Variants in ZNF831 observed in about 807,000 individuals in gnomAD.
ZNF831 encodes chromosome 20 open reading frame 174.
A neutral mutation model predicts 95.8 loss-of-function variants in ZNF831; 59 were observed. That is an observed-to-expected ratio of 0.62 (90% CI 0.50 to 0.77). The LOEUF (loss-of-function observed/expected upper bound fraction) is 0.77. ZNF831 is among the 30% of genes least tolerant of loss of function. The pLI, the probability that ZNF831 is intolerant of heterozygous loss-of-function variation, is 0.00. For synonymous variants in ZNF831, 961 were observed against 925.5 expected, an observed-to-expected ratio of 1.04 and a Z score of -0.70; for missense variants, 2,205 against 2,164.0, an observed-to-expected ratio of 1.02 and a Z score of -0.38.
At chr20:59,199,327 T>C (rs1486825550) in intron 3 of ZNF831, among the ~76,000 whole-genome samples, 6 of 152,080 alleles carry the variant, frequency 3.9e-5, no homozygotes, top group African/African-American at 1.4e-4. Flanking sequence ...TATATAACAA[T>C]ATATAGAAAA....
intron 2 of ZNF831, among the ~76,000 whole-genome samples, chr20:59,158,243 A>C (rs1422540106): frequency 6.6e-6 from 1 of 152,170 alleles, no homozygotes; most frequent in Non-Finnish European, 1.5e-5. Context: ...TTGGGCACTG[A>C]GAGGTTGTGT....
At chr20:59,165,614 G>A (rs181015272) in intron 1 of ZNF831, among the ~76,000 whole-genome samples, 197 of 152,304 alleles carry the variant, frequency 1.3e-3, no homozygotes, top group Admixed American at 2.6e-3. Flanking sequence ...GCTGAGTTAT[G>A]CTGGAAGGTC....
At chr20:59,189,194 A>G (rs1427591978) in intron 1 of ZNF831, among the ~76,000 whole-genome samples, 1 of 152,114 alleles carries the variant, frequency 6.6e-6, no homozygotes, top group Non-Finnish European at 1.5e-5. Flanking sequence ...AAAAAAATAA[A>G]AAAATAAAAA....
At chr20:59,225,312 C>T (rs1191983359) in intron 4 of ZNF831, among the ~76,000 whole-genome samples, 1 of 151,958 alleles carries the variant, frequency 6.6e-6, no homozygotes, top group Non-Finnish European at 1.5e-5. Flanking sequence ...TTGGATTTTC[C>T]ACGGCTGGTT....
intron 1 of ZNF831, among the ~76,000 whole-genome samples, chr20:59,124,179 G>A (rs1173089708): frequency 1.3e-5 from 2 of 152,034 alleles, no homozygotes; most frequent in Non-Finnish European, 2.9e-5. Context: ...CTTTTCCCTC[G>A]GTTCTGAACG....
chr20:59,164,171 A>G lies in ZNF831; in HGVS notation c.-73A>G, dbSNP rs1981069224. Among the ~76,000 whole-genome samples the G allele has an allele frequency of 6.6e-6, 1 of 152,124 alleles. No homozygotes were observed. Among genetic ancestry groups the G allele is most frequent in the Non-Finnish European group, 1.5e-5 (1 of 68,032 alleles). ...AACCAGATCATTGTGTTTGAATCAGAGCATCATTGGCTGAAAACACTCCAC... is the reference window on the plus strand; with the variant it reads ...AACCAGATCATTGTGTTTGAATCAGGGCATCATTGGCTGAAAACACTCCAC... On this transcript the variant is annotated 5_prime_UTR_variant, in exon 1 of 6. Coordinates refer to ENST00000371030, the MANE Select transcript of ZNF831 (RefSeq NM_178457.3).
At chr20:59,186,630 C>A (rs1454042803) in intron 1 of ZNF831, among the ~76,000 whole-genome samples, 1 of 152,144 alleles carries the variant, frequency 6.6e-6, no homozygotes, top group African/African-American at 2.4e-5. Flanking sequence ...GGGGAGGTTC[C>A]TGAAATTCTC....
In ZNF831 at chr20:59,252,998, C is replaced by A. The variant is rs1395734760; in HGVS notation, c.4048C>A (p.Pro1350Thr). 1.2e-6 allele frequency: 2 copies of A among 1,613,874 alleles called. No homozygotes were observed. The highest frequency in any genetic ancestry group is 2.2e-5 in the South Asian group (2 of 91,040). The change falls in exon 5 of 6, where the codon CCA becomes ACA. Residue 1350 changes from proline to threonine, a missense_variant. Pro to Thr is a conservative substitution (Grantham distance 38). Coordinates refer to ENST00000371030, the MANE Select transcript of ZNF831 (RefSeq NM_178457.3). ...EIAGLNLQEE[P>T]SCATSESPPC... is the part of the protein sequence containing the mutation. ...TGCAGGTCTGAATCTGCAAGAGGAGCCATCTTGTGCCACCTCAGAATCACC... is the reference window on the plus strand; with the variant it reads ...TGCAGGTCTGAATCTGCAAGAGGAGACATCTTGTGCCACCTCAGAATCACC...
chr20:59,243,572 C>A (rs981946082), intron 4 of ZNF831, among the ~76,000 whole-genome samples: 1 of 152,160 alleles, frequency 6.6e-6, no homozygotes, highest in Admixed American at 6.5e-5. Context: ...CAAGGAGAAA[C>A]AAAATGGCAG....
upstream of ZNF831, chr20:59,160,197 G>A (rs1225745257): frequency 1.3e-5 from 2 of 152,334 alleles, no homozygotes; most frequent in Non-Finnish European, 2.9e-5. Context: ...CTGACCTTGG[G>A]AGGACTTGGG....
chr20:59,177,149 C>G (rs1982230708), intron 1 of ZNF831, among the ~76,000 whole-genome samples: 1 of 152,184 alleles, frequency 6.6e-6, no homozygotes, highest in Non-Finnish European at 1.5e-5. Context: ...TTTGCTTTCT[C>G]CATTTGCCGT....
rs1988235158 is a variant in ZNF831, at chr20:59,257,437, G to A, written c.*2694G>A. The A allele has an allele frequency of 6.6e-6, 1 of 152,026 alleles. No homozygotes were observed. Among genetic ancestry groups the A allele is most frequent in the Non-Finnish European group, 1.5e-5 (1 of 67,990 alleles). 9.4% of individuals were successfully genotyped at this position (152,026 alleles called of 1,614,324 possible). A position where few individuals can be genotyped will look rare whatever the true frequency, so the allele number is the denominator to read the frequency against. On this transcript the variant is annotated 3_prime_UTR_variant, in exon 6 of 6. Coordinates refer to ENST00000371030, the MANE Select transcript of ZNF831 (RefSeq NM_178457.3). ...TTTAAATGAAGAATCTTTTTATAAA[G>A]CAATGAACAATCTCTGATTTTATAA...
intron 1 of ZNF831, among the ~76,000 whole-genome samples, chr20:59,132,961 C>G (rs529688084): frequency 1.3e-5 from 2 of 152,364 alleles, no homozygotes; most frequent in Admixed American, 6.5e-5. Context: ...TGTTCAACCT[C>G]TGGTCCTGCA....
chr20:59,245,098 C>T (rs1987524292), intron 4 of ZNF831, among the ~76,000 whole-genome samples: 1 of 152,210 alleles, frequency 6.6e-6, no homozygotes, highest in Non-Finnish European at 1.5e-5. Flanking sequence ...AGAGAGCAAA[C>T]AAAGCCACGG....
In ZNF831 at chr20:59,191,904, A is replaced by T. The variant is rs966835486; in HGVS notation, c.885A>T (p.Thr295=). ...MASPGLPAAS[T]QPWRKLPEQK... ...CACCTGGGCTCCCAGCGGCCAGCAC[A>T]CAACCCTGGCGTAAGTTGCCAGAGC... is the stretch of plus-strand genomic sequence containing the variant. Residue 295 remains threonine, a synonymous_variant, in exon 2 of 6, where the codon ACA becomes ACT. Transcript: ENST00000371030. 1 of 1,612,634 alleles carries T rather than the reference A, an allele frequency of 6.2e-7. No individual in the cohort carries two copies. Among genetic ancestry groups the T allele is most frequent in the Non-Finnish European group, 8.5e-7 (1 of 1,179,914 alleles).
intron 1 of ZNF831, among the ~76,000 whole-genome samples, chr20:59,167,084 G>A (rs1426242532): frequency 1.3e-5 from 2 of 152,190 alleles, no homozygotes; most frequent in African/African-American, 4.8e-5. Context: ...CCAGATCCTC[G>A]CCAGCATTTG....
At position 59,254,860 on chromosome 20, in the gene ZNF831, G is replaced by A. The variant is rs1600696197; in HGVS notation, c.*117G>A. ...TGTGAAACACCTACAGATTAGGAAA[G>A]CCATTTTGAGTTATTTACAAGCCAA... is the stretch of plus-strand genomic sequence containing the variant. On this transcript the variant is annotated 3_prime_UTR_variant, in exon 6 of 6. Transcript: ENST00000371030. The surrounding 1 kb of genome is among the most constrained non-coding windows in gnomAD (Gnocchi z 4.5). The A allele has an allele frequency of 1.4e-6, 2 of 1,414,686 alleles. No homozygotes were observed. Among genetic ancestry groups the A allele is most frequent in the East Asian group, 2.4e-5 (1 of 41,870 alleles). 87.6% of individuals were successfully genotyped at this position (1,414,686 alleles called of 1,614,324 possible).
At chr20:59,138,962 G>A (rs1447554791) in intron 1 of ZNF831, among the ~76,000 whole-genome samples, 1 of 151,402 alleles carries the variant, frequency 6.6e-6, no homozygotes, top group Non-Finnish European at 1.5e-5. Context: ...CCTCAGAGAG[G>A]TCCTCTCCGT....
rs918919056 is a variant in ZNF831 at position 59,193,226 on chromosome 20, G to C, written c.2207G>C (p.Gly736Ala). 1.3e-6 allele frequency: 2 copies of C among 1,595,092 alleles called. No homozygotes were observed. The highest frequency in any genetic ancestry group is 1.7e-6 in the Non-Finnish European group (2 of 1,170,780). Residue 736 changes from glycine (G) to alanine (A), a missense_variant, in exon 2 of 6, where the codon GGC (glycine) becomes GCC (alanine). Coordinates refer to ENST00000371030, the MANE Select transcript of ZNF831 (RefSeq NM_178457.3). ...EEAVSSPALG[G>A]RDSPCSGSRS... ...GCTGTGTCATCCCCTGCACTGGGTGGCAGAGACAGTCCCTGTTCAGGCAGT... is the reference window on the plus strand; with the variant it reads ...GCTGTGTCATCCCCTGCACTGGGTGCCAGAGACAGTCCCTGTTCAGGCAGT...
Sources: gnomAD v4.1 joint callset for allele counts (sites outside exome capture counted in the v4.1 genomes callset) on GRCh38, gnomAD v4.1.1 for gene constraint, Gnocchi (gnomAD v3.1) non-coding constraint, MANE v1.5 for transcripts, NCBI Gene and HGNC (gene_info 2026-07-23, HGNC 2026-07-21) for gene names.